The following RTN4 variants were observed in gnomAD, a reference collection of about 807,000 sequenced individuals.
RTN4 encodes reticulon 4.
In RTN4, 32 loss-of-function variants were observed where a neutral mutation model predicts 90.4. The observed-to-expected ratio is 0.35, with a 90% CI of 0.27 to 0.48. The LOEUF (loss-of-function observed/expected upper bound fraction) is 0.48. RTN4 is among the 20% of genes least tolerant of loss of function. The pLI, the probability that RTN4 is intolerant of heterozygous loss-of-function variation, is 0.99. For synonymous variants in RTN4, 629 were observed against 552.5 expected (o/e 1.14, Z -1.94); for missense variants, 1,706 against 1,430.2 (o/e 1.19, Z -3.11).
rs187290696 is a variant in RTN4 at position 55,064,816 on chromosome 2, C to G, written c.-63+15673G>C. On this transcript the variant is annotated intron_variant, in intron 2 of 3. Coordinates refer to the RTN4 transcript ENST00000427710. ...GTCAAATTAATTATAATGTAAAATT[C>G]CAGTTAATTGAGACTTTGTTAAATT... is the stretch of plus-strand genomic sequence containing the variant. 2.6e-5 allele frequency among the ~76,000 whole-genome samples: 4 copies of G among 152,118 alleles called. No homozygotes were observed. The East Asian group carries it at 7.7e-4, about 29-fold the overall frequency.
At chr2:55,119,619 A>G in the RTN4 span, among the ~76,000 whole-genome samples, 1 of 152,220 alleles carries the variant, frequency 6.6e-6, no homozygotes, top group African/African-American at 2.4e-5. Context: ...GACCAGCCCA[A>G]CTTGGAATCT....
At chr2:55,092,780 T>C (rs2105046282) in intron 1 of RTN4, among the ~76,000 whole-genome samples, 1 of 152,278 alleles carries the variant, frequency 6.6e-6, no homozygotes, top group Middle Eastern at 3.4e-3. Context: ...CCAATTTCAG[T>C]TTGGGGGCTC....
At chr2:55,135,751 T>C in the RTN4 span, among the ~76,000 whole-genome samples, 9 of 152,174 alleles carry the variant, frequency 5.9e-5, no homozygotes, top group African/African-American at 2.2e-4. Context: ...CAATCCCCCA[T>C]CCCTAATTAC....
chr2:54,986,483 C>T lies in RTN4; in HGVS notation c.3221+1008G>A, dbSNP rs1055262738. ...ACAAACTATTTACAAAAGCAGGCAG[C>T]AGACTGCATTTGGCCATGGCCTTGC... is the stretch of plus-strand genomic sequence containing the variant. On this transcript the variant is annotated intron_variant, in intron 4 of 8. Transcript: ENST00000337526. Among the ~76,000 whole-genome samples, 35 of 152,200 alleles carry T rather than the reference C, an allele frequency of 2.3e-4. 1 individual carries two copies. The highest frequency in any genetic ancestry group is 2.9e-5 in the Non-Finnish European group (2 of 68,040).
chr2:55,093,477 G>A (rs536361813), intron 1 of RTN4, among the ~76,000 whole-genome samples: 16 of 151,572 alleles, frequency 1.1e-4, no homozygotes, highest in Admixed American at 7.9e-4. Context: ...CTCCTGTTAC[G>A]CCAGAAAGGT....
chr2:55,043,823 T>C (rs1183521919), intron 1 of RTN4, among the ~76,000 whole-genome samples: 1 of 151,216 alleles, frequency 6.6e-6, no homozygotes, highest in African/African-American at 2.4e-5. Flanking sequence ...GAGGTGGAGG[T>C]TGCAGTGAGC....
At position 55,049,735 on chromosome 2, in the gene RTN4, C is replaced by A; in HGVS notation, c.556+10G>T. On this transcript the variant is annotated intron_variant, in intron 1 of 8. Transcript: ENST00000337526. ...AGGGGCGGCGCGAAGCGAGAGGTCGCGGCACTCACCCACTGAGCCCGAGGA... is the reference window on the plus strand; with the variant it reads ...AGGGGCGGCGCGAAGCGAGAGGTCGAGGCACTCACCCACTGAGCCCGAGGA... The A allele has an allele frequency of 7.2e-7, 1 of 1,386,610 alleles. No individual in the cohort carries two copies. The highest frequency in any genetic ancestry group is 9.4e-7 in the Non-Finnish European group (1 of 1,064,446). 85.9% of individuals were successfully genotyped at this position (1,386,610 alleles called of 1,614,324 possible). A position where few individuals can be genotyped will look rare whatever the true frequency, so the allele number is the denominator to read the frequency against.
At chr2:55,028,663 T>C (rs907658106) in intron 1 of RTN4, among the ~76,000 whole-genome samples, 9 of 152,200 alleles carry the variant, frequency 5.9e-5, no homozygotes, top group Non-Finnish European at 1.0e-4. Flanking sequence ...ATATATTCAA[T>C]TTAAAGAAAC....
At chr2:55,016,069 T>C (rs1030610023) in intron 3 of RTN4, among the ~76,000 whole-genome samples, 2 of 152,136 alleles carry the variant, frequency 1.3e-5, no homozygotes, top group African/African-American at 4.8e-5. Flanking sequence ...TAGCATTATT[T>C]ATCAATAACA....
chr2:55,003,997 G>A (rs150709722), intron 3 of RTN4, among the ~76,000 whole-genome samples: 1 of 152,202 alleles, frequency 6.6e-6, no homozygotes, highest in East Asian at 1.9e-4. Flanking sequence ...GACAACCGGA[G>A]AACAAATTTA....
At chr2:55,124,306 C>A in the RTN4 span, among the ~76,000 whole-genome samples, 6 of 152,186 alleles carry the variant, frequency 3.9e-5, no homozygotes, top group Non-Finnish European at 8.8e-5. Flanking sequence ...TTTGATGGCT[C>A]CTGGTTTGTT....
At chr2:55,109,434 C>G (rs1313000050) in intron 1 of RTN4, among the ~76,000 whole-genome samples, 1 of 152,176 alleles carries the variant, frequency 6.6e-6, no homozygotes, top group Non-Finnish European at 1.5e-5. Context: ...CCTCATACTC[C>G]TTCCACTCTA....
At chr2:55,070,291 G>C (rs900002603) in intron 2 of RTN4, among the ~76,000 whole-genome samples, 2 of 151,886 alleles carry the variant, frequency 1.3e-5, no homozygotes, top group Admixed American at 1.3e-4. Context: ...AGGCACAGTG[G>C]CTCGCACCTG....
chr2:55,004,889 A>T (rs975144281), intron 3 of RTN4, among the ~76,000 whole-genome samples: 1 of 152,110 alleles, frequency 6.6e-6, no homozygotes, highest in African/African-American at 2.4e-5. Context: ...AAACCGAGAG[A>T]TGGGAGTGAG....
chr2:55,074,523 A>AG (rs997193944), intron 2 of RTN4, among the ~76,000 whole-genome samples: 1 of 151,064 alleles, frequency 6.6e-6, no homozygotes, highest in African/African-American at 2.4e-5. Flanking sequence ...TCACCAAAAA[A>AG]AAAAAAAAAA....
chr2:55,054,745 G>C (rs1174847668), upstream of RTN4, among the ~76,000 whole-genome samples: 3 of 152,144 alleles, frequency 2.0e-5, no homozygotes, highest in East Asian at 5.8e-4. Flanking sequence ...CCTGTGTTCA[G>C]GAGCGCCACT....
At chr2:55,049,715 C>A (rs1443631003) in intron 1 of RTN4, 30 bp downstream of exon 1, 4 of 1,401,864 alleles carry the variant, frequency 2.9e-6, no homozygotes, top group Admixed American at 3.0e-5. Flanking sequence ...GCGCGAGGGG[C>A]GGCGCGAAGC....
chr2:55,112,014 G>A (rs1423072397), intron 1 of RTN4, among the ~76,000 whole-genome samples: 6 of 152,126 alleles, frequency 3.9e-5, no homozygotes, highest in Admixed American at 6.5e-5. Context: ...CTCCAATGGC[G>A]ACACTCAAGA....
chr2:54,996,524 A>G (rs1679438910), intron 3 of RTN4, among the ~76,000 whole-genome samples: 1 of 152,250 alleles, frequency 6.6e-6, no homozygotes, highest in Non-Finnish European at 1.5e-5. Flanking sequence ...TAACCCAGAA[A>G]TAAACCATTA....
Sources: allele counts gnomAD v4.1 joint callset (sites outside exome capture counted in the v4.1 genomes callset), GRCh38; gene constraint gnomAD v4.1.1; transcripts MANE v1.5; gene names NCBI Gene and HGNC (gene_info 2026-07-23, HGNC 2026-07-21).